The following SLC36A1 variants were observed in gnomAD, a reference collection of about 807,000 sequenced individuals.
SLC36A1 encodes the protein proton-coupled amino acid transporter 1.
Under a neutral mutation model 47.5 loss-of-function variants are expected in SLC36A1, and 30 were observed. The observed-to-expected ratio is 0.63, with a 90% CI of 0.47 to 0.86. The LOEUF is 0.86. SLC36A1 is among the 40% of genes least tolerant of loss of function. SLC36A1 has a pLI of 0.00. For synonymous variants in SLC36A1, 255 were observed against 249.7 expected (o/e 1.02, Z -0.20); for missense variants, 517 against 606.0 (o/e 0.85, Z 1.54).
At chr5:151,372,866 T>G in the SLC36A1 span, among the ~76,000 whole-genome samples, 3 of 152,102 alleles carry the variant, frequency 2.0e-5, no homozygotes, top group African/African-American at 7.2e-5. Flanking sequence ...GTGAAAAAAC[T>G]AGAACATCCA....
chr5:151,531,592 C>T, the SLC36A1 span: 5 of 1,612,326 alleles, frequency 3.1e-6, no homozygotes, highest in Middle Eastern at 2.1e-4. This position sits in a 1 kb window ranked among gnomAD's most constrained non-coding sequence, Gnocchi z 5.7. Context: ...CTCACCTGTG[C>T]GAGCATCCAG....
the SLC36A1 span, among the ~76,000 whole-genome samples, chr5:151,519,451 T>C: frequency 6.6e-6 from 1 of 152,306 alleles, no homozygotes; most frequent in South Asian, 2.1e-4. Context: ...AGATCAGAAA[T>C]TCCCACCCCG....
the SLC36A1 span, among the ~76,000 whole-genome samples, chr5:151,539,042 C>T: frequency 3.9e-5 from 6 of 151,912 alleles, no homozygotes; most frequent in African/African-American, 1.2e-4. Flanking sequence ...GAACCATCTC[C>T]GGGAGGGCCA....
At chr5:151,521,802 G>A in the SLC36A1 span, 2 of 1,614,216 alleles carry the variant, frequency 1.2e-6, no homozygotes, top group Non-Finnish European at 8.5e-7. Flanking sequence ...TGAACGAGTA[G>A]TGGCCACGAG....
At chr5:151,347,246 C>G in the SLC36A1 span, 9 of 1,611,296 alleles carry the variant, frequency 5.6e-6, no homozygotes, top group East Asian at 1.8e-4. Flanking sequence ...TTTGCCAATG[C>G]AAGCTTCAGG....
At chr5:151,477,067 G>C in intron 9 of SLC36A1, 1 of 427,166 alleles carries the variant, frequency 2.3e-6, no homozygotes, top group Non-Finnish European at 4.5e-6. Context: ...TAGACAGGGA[G>C]ATGGGAGGGC....
chr5:151,544,427 C>G, the SLC36A1 span: 1 of 1,613,978 alleles, frequency 6.2e-7, no homozygotes, highest in Non-Finnish European at 8.5e-7. Flanking sequence ...GTCTTGGACT[C>G]ATAGTCCAAA....
chr5:151,476,416 C>T (rs1220940987), intron 8 of SLC36A1, among the ~76,000 whole-genome samples, 174 bp from the exon 9 acceptor site: 2 of 152,244 alleles, frequency 1.3e-5, no homozygotes, highest in African/African-American at 2.4e-5. Context: ...TGCAGAGTCC[C>T]TTCTAGTCCC....
the SLC36A1 span, among the ~76,000 whole-genome samples, chr5:151,377,092 T>TA: frequency 6.6e-6 from 1 of 152,208 alleles, no homozygotes; most frequent in Non-Finnish European, 1.5e-5. Flanking sequence ...TTCATAGGGT[T>TA]TCAGTTTTTA....
At chr5:151,517,797 T>A in the SLC36A1 span, 2 of 1,612,518 alleles carry the variant, frequency 1.2e-6, no homozygotes, top group Non-Finnish European at 1.7e-6. Flanking sequence ...TCACCTCTAC[T>A]TGAAGTGGTC....
At chr5:151,472,051 A>G (rs889985624) in intron 7 of SLC36A1, among the ~76,000 whole-genome samples, 4 of 152,188 alleles carry the variant, frequency 2.6e-5, no homozygotes, top group African/African-American at 9.7e-5. Context: ...TTTTGTGACT[A>G]TACCTCTGTC....
At chr5:151,517,422 C>T in the SLC36A1 span, among the ~76,000 whole-genome samples, 5 of 152,320 alleles carry the variant, frequency 3.3e-5, no homozygotes, top group South Asian at 2.1e-4. Context: ...CGTCCTTGGA[C>T]GTATATCTCC....
At chr5:151,456,793 G>A (rs575346830) in intron 1 of SLC36A1, among the ~76,000 whole-genome samples, 15 of 152,260 alleles carry the variant, frequency 9.9e-5, no homozygotes, top group East Asian at 5.8e-4. Flanking sequence ...GAGAAAATGC[G>A]ATCTCCCGTG....
chr5:151,454,389 G>A lies in SLC36A1; in HGVS notation c.-5-4399G>A, dbSNP rs1754151307. ...TGGCCATGGATGCCAGCACTCATGG[G>A]GACAGACAGAGAGCAGGAGGAGGAG... On this transcript the variant is annotated intron_variant, in intron 1 of 10. Transcript: ENST00000243389. Among the ~76,000 whole-genome samples, 3 of 152,066 alleles carry A rather than the reference G, an allele frequency of 2.0e-5. No individual in the cohort carries two copies. In the South Asian group the frequency reaches 6.2e-4, roughly 32 times the overall value.
chr5:151,527,601 G>A, the SLC36A1 span, among the ~76,000 whole-genome samples: 3 of 152,132 alleles, frequency 2.0e-5, no homozygotes, highest in Non-Finnish European at 4.4e-5. Flanking sequence ...TTGGGAAAGT[G>A]AATGAATTTA....
intron 1 of SLC36A1, among the ~76,000 whole-genome samples, chr5:151,439,240 A>G (rs1344633523): frequency 6.6e-6 from 1 of 152,230 alleles, no homozygotes. Flanking sequence ...CTTGCCACCC[A>G]GGCCCCTCCC....
the SLC36A1 span, chr5:151,512,690 G>GT: frequency 7.7e-7 from 1 of 1,301,746 alleles, no homozygotes; most frequent in South Asian, 1.5e-5. This position sits in a 1 kb window ranked among gnomAD's most constrained non-coding sequence, Gnocchi z 4.1. Flanking sequence ...AAAGAATGTT[G>GT]TTTGTATTTT....
At chr5:151,399,084 A>ATATATATATATTTTTT in the SLC36A1 span, among the ~76,000 whole-genome samples, 115 of 60,022 alleles carry the variant, frequency 1.9e-3, no homozygotes, top group Non-Finnish European at 3.6e-3. Context: ...ATATATATAT[A>ATATATATATATTTTTT]TTTTTTTTTT....
chr5:151,374,672 T>G, the SLC36A1 span, among the ~76,000 whole-genome samples: 1 of 152,210 alleles, frequency 6.6e-6, no homozygotes, highest in Admixed American at 6.5e-5. Flanking sequence ...CTGTAGTAAT[T>G]TACATTCTCT....
Sources: allele counts gnomAD v4.1 joint callset (sites outside exome capture counted in the v4.1 genomes callset), GRCh38; gene constraint gnomAD v4.1.1; non-coding constraint Gnocchi (gnomAD v3.1); transcripts MANE v1.5; gene names NCBI Gene and HGNC (gene_info 2026-07-23, HGNC 2026-07-21).